Variants in FTO observed in about 807,000 individuals in gnomAD.
FTO encodes alpha-ketoglutarate-dependent dioxygenase FTO.
In FTO, 47 loss-of-function variants were observed where a neutral mutation model predicts 63.9. That is an observed-to-expected ratio of 0.74 (90% CI 0.58 to 0.94). The LOEUF is 0.94. FTO is among the 40% of genes least tolerant of loss of function. The pLI, the probability that FTO is intolerant of heterozygous loss-of-function variation, is 0.00. For synonymous variants in FTO, 207 were observed against 224.4 expected, an observed-to-expected ratio of 0.92 and a Z score of 0.69; for missense variants, 562 against 618.1, an observed-to-expected ratio of 0.91 and a Z score of 0.96.
intron 1 of FTO, among the ~76,000 whole-genome samples, chr16:53,720,659 T>TTA (rs1291774330): frequency 2.1e-5 from 3 of 145,648 alleles, no homozygotes; most frequent in Non-Finnish European, 3.0e-5. Context: ...TATATATCTT[T>TTA]TATATATATA....
intron 8 of FTO, among the ~76,000 whole-genome samples, chr16:53,976,122 A>C (rs1250647142): frequency 6.6e-6 from 1 of 152,126 alleles, no homozygotes; most frequent in Non-Finnish European, 1.5e-5. Context: ...TATTCCTTTC[A>C]GCTATTCTAA....
At chr16:53,884,223 T>C (rs550801508) in intron 6 of FTO, among the ~76,000 whole-genome samples, 1 of 152,368 alleles carries the variant, frequency 6.6e-6, no homozygotes, top group East Asian at 1.9e-4. Context: ...GGAAAGGTTC[T>C]TGTTTAATTA....
rs544350606 is a variant in FTO at position 53,790,543 on chromosome 16, C to T, written c.46-19597C>T. Among the ~76,000 whole-genome samples, 70 of 147,154 alleles carry T rather than the reference C, an allele frequency of 4.8e-4. 1 individual carries two copies. Among genetic ancestry groups the T allele is most frequent in the Non-Finnish European group, 7.2e-4 (48 of 67,060 alleles). On this transcript the variant is annotated intron_variant, in intron 1 of 8. Coordinates refer to ENST00000471389, the MANE Select transcript of FTO (RefSeq NM_001080432.3). The stretch of plus-strand genomic sequence containing the variant: ...ACCAGCCTGGGCAACAGAGTAAGAC[C>T]CCCATCTCTATAAAGAAAACAAAAC...
At chr16:53,960,521 T>A (rs1412805495) in intron 8 of FTO, among the ~76,000 whole-genome samples, 1 of 152,224 alleles carries the variant, frequency 6.6e-6, no homozygotes, top group Non-Finnish European at 1.5e-5. Flanking sequence ...TGTCAGCACA[T>A]AAAATGTTAA....
In FTO at chr16:53,804,948, T is replaced by C. The variant is rs114675703; in HGVS notation, c.46-5192T>C. On this transcript the variant is annotated intron_variant, in intron 1 of 8. Transcript: ENST00000471389. ...TCTTTCTAGTGTTAGTTTAGATATG[T>C]CTTCCTTGCCCACCAAGCACCCTGC... Among the ~76,000 whole-genome samples the C allele has an allele frequency of 1.5e-3, 234 of 152,246 alleles. 1 individual carries two copies. The highest frequency in any genetic ancestry group is 5.4e-3 in the African/African-American group (223 of 41,550).
intron 1 of FTO, chr16:53,711,324 T>C: frequency 5.0e-6 from 2 of 397,928 alleles, no homozygotes; most frequent in Non-Finnish European, 8.9e-6. Flanking sequence ...ATTGAGAATA[T>C]AGTCACTCAA....
chr16:53,737,160 T>C (rs1251107378), intron 1 of FTO, among the ~76,000 whole-genome samples: 1 of 152,128 alleles, frequency 6.6e-6, no homozygotes, highest in Non-Finnish European at 1.5e-5. Flanking sequence ...TATGGAAGGG[T>C]TGATTGATGT....
chr16:53,831,123 A>G (rs1325575466), intron 3 of FTO, among the ~76,000 whole-genome samples: 1 of 152,138 alleles, frequency 6.6e-6, no homozygotes, highest in East Asian at 1.9e-4. Context: ...TTTTAACATG[A>G]CTTGCTCTAT....
At chr16:53,725,745 G>T (rs544988934) in intron 1 of FTO, among the ~76,000 whole-genome samples, 4 of 152,254 alleles carry the variant, frequency 2.6e-5, no homozygotes, top group African/African-American at 9.6e-5. Context: ...ATGGGTGGGT[G>T]GTAGTGATCA....
chr16:53,716,847 C>T (rs538214258), intron 1 of FTO, among the ~76,000 whole-genome samples: 143 of 150,584 alleles, frequency 9.5e-4, no homozygotes, highest in Middle Eastern at 3.6e-3. Context: ...AATACTGTTA[C>T]TTTATATTAG....
chr16:54,008,486 T>A (rs1285906721), intron 8 of FTO: 1 of 152,050 alleles, frequency 6.6e-6, no homozygotes, highest in African/African-American at 2.4e-5. Context: ...TTCTGTGAGC[T>A]AAACCAGTGT....
At chr16:53,738,861 G>C (rs2076455087) in intron 1 of FTO, among the ~76,000 whole-genome samples, 1 of 151,866 alleles carries the variant, frequency 6.6e-6, no homozygotes, top group African/African-American at 2.4e-5. Flanking sequence ...TTTTTTTTGA[G>C]ATAGGGTCTC....
chr16:53,807,495 C>T (rs760421839), intron 1 of FTO, among the ~76,000 whole-genome samples: 5 of 152,148 alleles, frequency 3.3e-5, no homozygotes, highest in Admixed American at 6.5e-5. Context: ...TGGCACTTGT[C>T]GACCTATGGG....
intron 4 of FTO, among the ~76,000 whole-genome samples, chr16:53,848,663 G>A (rs1306829041): frequency 6.6e-6 from 1 of 152,166 alleles, no homozygotes; most frequent in East Asian, 1.9e-4. Flanking sequence ...GTTTTCCATA[G>A]ACTGAATGTA....
intron 7 of FTO, among the ~76,000 whole-genome samples, chr16:53,931,008 C>T (rs902428615): frequency 1.3e-5 from 2 of 152,172 alleles, no homozygotes; most frequent in Non-Finnish European, 2.9e-5. Context: ...TTGAACTAAA[C>T]AGGCGACATC....
intron 1 of FTO, among the ~76,000 whole-genome samples, chr16:53,713,390 T>C (rs2151470601): frequency 6.6e-6 from 1 of 152,326 alleles, no homozygotes; most frequent in Non-Finnish European, 1.5e-5. Flanking sequence ...GAGAGGAACT[T>C]TTGTTAAGGT....
chr16:53,832,365 A>G lies in FTO; in HGVS notation c.751+5874A>G, dbSNP rs559648611. Reference sequence around the variant, plus strand: ...TAATGAACATACCCATTATTCCAGAAGTTTCCTTGTGCCCCTTTGCAATTC... The same window carrying G: ...TAATGAACATACCCATTATTCCAGAGGTTTCCTTGTGCCCCTTTGCAATTC... On this transcript the variant is annotated intron_variant, in intron 3 of 8. Coordinates refer to ENST00000471389, the MANE Select transcript of FTO (RefSeq NM_001080432.3). Among the ~76,000 whole-genome samples the G allele has an allele frequency of 2.0e-5, 3 of 152,296 alleles. No individual in the cohort carries two copies. The South Asian group carries it at 6.2e-4, about 32-fold the overall frequency.
intron 8 of FTO, chr16:53,998,857 C>T (rs1341857994): frequency 1.3e-5 from 2 of 152,212 alleles, no homozygotes; most frequent in African/African-American, 2.4e-5. Flanking sequence ...TGAACCAATT[C>T]TTATGACCAG....
intron 4 of FTO, among the ~76,000 whole-genome samples, chr16:53,853,502 T>C (rs1218941259): frequency 6.6e-6 from 1 of 152,028 alleles, no homozygotes. Flanking sequence ...ATCTCCAGTG[T>C]CCATTGTACC....
Sources: allele counts gnomAD v4.1 joint callset (sites outside exome capture counted in the v4.1 genomes callset), GRCh38; gene constraint gnomAD v4.1.1; transcripts MANE v1.5; gene names NCBI Gene and HGNC (gene_info 2026-07-23, HGNC 2026-07-21).